The following PTPRD variants were observed in gnomAD, a reference collection of about 807,000 sequenced individuals.
PTPRD encodes protein tyrosine phosphatase receptor type D, also known as receptor-type tyrosine-protein phosphatase delta.
In PTPRD, 34 loss-of-function variants were observed where a neutral mutation model predicts 214.5. That is an observed-to-expected ratio of 0.16 (90% CI 0.12 to 0.21). The LOEUF is 0.21. Ranked by LOEUF, PTPRD falls within the 10% of genes least tolerant of loss-of-function variation. The probability of loss-of-function intolerance (pLI) is 1.00; values close to 1 mark genes in which losing one functional copy is unlikely to be tolerated. For synonymous variants in PTPRD, 1,128 were observed against 845.7 expected (o/e 1.33, Z -5.79); for missense variants, 2,545 against 2,398.7 (o/e 1.06, Z -1.27).
At chr9:10,604,269 T>C (rs1276904573) in intron 2 of PTPRD, among the ~76,000 whole-genome samples, 1 of 151,894 alleles carries the variant, frequency 6.6e-6, no homozygotes, top group African/African-American at 2.4e-5. Flanking sequence ...CTGAAATTCC[T>C]TTCTCTTAAA....
chr9:8,581,195 T>G (rs1266583857), intron 14 of PTPRD, among the ~76,000 whole-genome samples: 1 of 147,458 alleles, frequency 6.8e-6, no homozygotes, highest in African/African-American at 2.5e-5. Flanking sequence ...GAATATATTA[T>G]AAAAAAAAAA....
intron 3 of PTPRD, among the ~76,000 whole-genome samples, chr9:10,164,974 A>G (rs962090596): frequency 6.6e-6 from 1 of 151,668 alleles, no homozygotes; most frequent in African/African-American, 2.4e-5. Context: ...TGAACTATCC[A>G]AAAGTCATTA....
intron 3 of PTPRD, among the ~76,000 whole-genome samples, chr9:10,152,439 A>T (rs1353095344): frequency 5.3e-5 from 8 of 152,320 alleles, no homozygotes; most frequent in Non-Finnish European, 1.2e-4. Context: ...TGATTCACAA[A>T]TATTTTCTCT....
At chr9:10,564,317 A>G (rs2131641503) in intron 2 of PTPRD, among the ~76,000 whole-genome samples, 1 of 150,518 alleles carries the variant, frequency 6.6e-6, no homozygotes, top group East Asian at 2.0e-4. Flanking sequence ...GTCCAGCCTC[A>G]TATCCGAATT....
rs561532529 is a variant in PTPRD at position 8,673,764 on chromosome 9, T to C, written c.65-36920A>G. 7.2e-5 allele frequency among the ~76,000 whole-genome samples: 11 copies of C among 152,342 alleles called. No individual in the cohort carries two copies. The East Asian group carries it at 2.1e-3, about 29-fold the overall frequency. On this transcript the variant is annotated intron_variant, in intron 12 of 45. Transcript: ENST00000381196. ...AATATCTCTATTTGTGTATGTTCAA[T>C]TGGCATAACGAGTGCACTGAAGTAG...
chr9:9,885,860 TA>T (rs998466102), intron 5 of PTPRD, among the ~76,000 whole-genome samples: 22 of 147,166 alleles, frequency 1.5e-4, no homozygotes, highest in Non-Finnish European at 1.8e-4. Flanking sequence ...CACAACAGGT[TA>T]AAAAAAAAAC....
intron 14 of PTPRD, among the ~76,000 whole-genome samples, chr9:8,586,471 T>A (rs566205357): frequency 3.5e-4 from 53 of 152,176 alleles, no homozygotes; most frequent in Non-Finnish European, 6.6e-4. Flanking sequence ...CTTTGTGTTG[T>A]CCTTATTTCA....
intron 3 of PTPRD, among the ~76,000 whole-genome samples, chr9:10,215,906 T>C (rs781194780): frequency 6.6e-6 from 1 of 152,048 alleles, no homozygotes; most frequent in Middle Eastern, 3.4e-3. Flanking sequence ...AAATAGAGGC[T>C]GGGGATGCTG....
intron 11 of PTPRD, among the ~76,000 whole-genome samples, chr9:8,925,469 G>C (rs1160567286): frequency 6.6e-6 from 1 of 151,664 alleles, no homozygotes; most frequent in East Asian, 1.9e-4. Context: ...TGTTTGTTCT[G>C]ACAGGAAAAA....
chr9:9,607,008 G>GTTTCTGCCA (rs1428538997), intron 7 of PTPRD, among the ~76,000 whole-genome samples: 17 of 81,960 alleles, frequency 2.1e-4, no homozygotes, highest in African/African-American at 8.1e-4. Flanking sequence ...AAAAAAAAGT[G>GTTTCTGCCA]TTTCTGCCAT....
intron 3 of PTPRD, among the ~76,000 whole-genome samples, chr9:10,280,322 T>C (rs959708989): frequency 6.7e-6 from 1 of 149,926 alleles, no homozygotes; most frequent in African/African-American, 2.5e-5. Flanking sequence ...GGATGAGAAG[T>C]AGATGAAGTA....
At chr9:9,618,314 C>T (rs997427745) in intron 7 of PTPRD, among the ~76,000 whole-genome samples, 1 of 151,406 alleles carries the variant, frequency 6.6e-6, no homozygotes, top group Admixed American at 6.6e-5. Flanking sequence ...TGAGATTTAG[C>T]AAAATTAGAG....
intron 9 of PTPRD, among the ~76,000 whole-genome samples, chr9:9,235,884 T>C (rs147606761): frequency 4.0e-4 from 61 of 152,328 alleles, no homozygotes; most frequent in African/African-American, 1.4e-3. Context: ...TTGGCCATGA[T>C]ATTCTAAACA....
At chr9:10,560,743 G>A (rs1457377064) in intron 2 of PTPRD, among the ~76,000 whole-genome samples, 2 of 152,134 alleles carry the variant, frequency 1.3e-5, no homozygotes, top group Non-Finnish European at 2.9e-5. Flanking sequence ...ATAATTAAAT[G>A]ACATTTAAAT....
At chr9:8,885,248 A>G (rs2098477212) in intron 11 of PTPRD, among the ~76,000 whole-genome samples, 3 of 152,084 alleles carry the variant, frequency 2.0e-5, no homozygotes, top group Admixed American at 2.0e-4. Context: ...AGTTATTATT[A>G]CCCTCATTTT....
intron 7 of PTPRD, among the ~76,000 whole-genome samples, chr9:9,626,039 T>A (rs1302104028): frequency 6.6e-6 from 1 of 152,164 alleles, no homozygotes; most frequent in Non-Finnish European, 1.5e-5. Context: ...AGAGCATGGT[T>A]GAGTTACAAC....
chr9:9,141,961 T>A (rs147386465), intron 10 of PTPRD, among the ~76,000 whole-genome samples: 17 of 152,324 alleles, frequency 1.1e-4, no homozygotes, highest in Non-Finnish European at 2.2e-4. Flanking sequence ...TAATAATGCC[T>A]GCAAGGCATG....
At chr9:9,856,972 G>C (rs772691193) in intron 5 of PTPRD, among the ~76,000 whole-genome samples, 5 of 152,122 alleles carry the variant, frequency 3.3e-5, no homozygotes, top group African/African-American at 4.8e-5. Context: ...ATTCTTAATG[G>C]ACCAATGTAT....
intron 10 of PTPRD, among the ~76,000 whole-genome samples, chr9:9,109,794 A>C (rs1215777327): frequency 6.6e-6 from 1 of 152,052 alleles, no homozygotes; most frequent in Non-Finnish European, 1.5e-5. Flanking sequence ...TTTCTTTTTG[A>C]TTCTGCCTAG....
Sources: allele counts gnomAD v4.1 joint callset (sites outside exome capture counted in the v4.1 genomes callset), GRCh38; gene constraint gnomAD v4.1.1; transcripts MANE v1.5; gene names NCBI Gene and HGNC (gene_info 2026-07-23, HGNC 2026-07-21).